Variants in PIGN observed in about 807,000 individuals in gnomAD.
PIGN encodes the protein phosphatidylinositol glycan anchor biosynthesis class N.
Under a neutral mutation model 125.4 loss-of-function variants are expected in PIGN, and 117 were observed. The ratio of observed to expected loss-of-function variants is 0.93; its 90% confidence interval spans 0.80 to 1.09. The LOEUF (loss-of-function observed/expected upper bound fraction) is 1.09. Among genes scored for constraint, PIGN ranks in the 50% least tolerant of loss-of-function variants. The probability of loss-of-function intolerance (pLI) is 0.00; values close to 1 mark genes in which losing one functional copy is unlikely to be tolerated. For missense variants in PIGN, 1,075 were observed against 1,094.9 expected, an observed-to-expected ratio of 0.98 and a Z score of 0.26; for synonymous variants, 392 against 377.8, an observed-to-expected ratio of 1.04 and a Z score of -0.44.
At chr18:62,102,992 G>A in intron 20 of PIGN, 90 bp from the exon 21 acceptor site, 1 of 579,024 alleles carries the variant, frequency 1.7e-6, no homozygotes. Context: ...CTCTAATACA[G>A]AACCTCTCAG....
At chr18:62,059,741 A>C (rs998503840) in intron 30 of PIGN, among the ~76,000 whole-genome samples, 1 of 152,216 alleles carries the variant, frequency 6.6e-6, no homozygotes, top group Non-Finnish European at 1.5e-5. Flanking sequence ...AACTCCATAC[A>C]TTTGCCAAAA....
intron 30 of PIGN, among the ~76,000 whole-genome samples, chr18:62,062,290 AG>A (rs1373892749): frequency 2.0e-5 from 3 of 152,198 alleles, no homozygotes; most frequent in African/African-American, 7.2e-5. Flanking sequence ...ATATTTCATC[AG>A]GAATGACTAA....
chr18:62,179,563 G>A (rs1354865622), intron 1 of PIGN, among the ~76,000 whole-genome samples: 1 of 152,112 alleles, frequency 6.6e-6, no homozygotes, highest in Non-Finnish European at 1.5e-5. Flanking sequence ...GGGCAATGTG[G>A]TGAAACCCCA....
At position 62,054,215 on chromosome 18, in the gene PIGN, A is replaced by G. The variant is rs143070102; in HGVS notation, c.2673-8236T>C. 1.6e-3 allele frequency among the ~76,000 whole-genome samples: 241 copies of G among 152,260 alleles called. 1 individual carries two copies. The highest frequency in any genetic ancestry group is 5.4e-3 in the African/African-American group (225 of 41,546). On this transcript the variant is annotated intron_variant, in intron 30 of 30. Transcript: ENST00000640252. ...TGTGAGTCTCACACTATATACAAAA[A>G]TTAACTAAAATGGATCATGGACTTA... is the stretch of plus-strand genomic sequence containing the variant.
rs545477777 is a variant in PIGN at position 62,041,446 on chromosome 18, A to G, written c.*4410T>C. Reference sequence around the variant, plus strand: ...AAATTCAATCAACATACAACACCCTATTTTCAAAACTATGACAAATTAAGG... The same window carrying G: ...AAATTCAATCAACATACAACACCCTGTTTTCAAAACTATGACAAATTAAGG... On this transcript the variant is annotated 3_prime_UTR_variant, in exon 31 of 31. Coordinates refer to ENST00000640252, the MANE Select transcript of PIGN (RefSeq NM_176787.5). 11 of 152,268 alleles carry G rather than the reference A, an allele frequency of 7.2e-5. No homozygotes were observed. The highest frequency in any genetic ancestry group is 2.6e-4 in the African/African-American group (11 of 41,548). 9.4% of individuals were successfully genotyped at this position (152,268 alleles called of 1,614,324 possible).
chr18:62,070,633 A>T, intron 30 of PIGN: 1 of 394,528 alleles, frequency 2.5e-6, no homozygotes, highest in Non-Finnish European at 4.5e-6. Flanking sequence ...GTATACAAAA[A>T]TGTATTCTGT....
chr18:62,129,858 C>T (rs2035668897), intron 14 of PIGN, among the ~76,000 whole-genome samples: 1 of 152,172 alleles, frequency 6.6e-6, no homozygotes, highest in Non-Finnish European at 1.5e-5. Context: ...AAGGTCCTAA[C>T]CCCTGGTATC....
chr18:62,020,989 T>C (rs920572741), intron 23 of PIGN, among the ~76,000 whole-genome samples: 7 of 150,902 alleles, frequency 4.6e-5, no homozygotes, highest in African/African-American at 1.7e-4. Context: ...ATTTAAAGAC[T>C]GAGCATATCA....
chr18:62,121,713 T>G (rs965532482), intron 14 of PIGN, among the ~76,000 whole-genome samples: 3 of 152,170 alleles, frequency 2.0e-5, no homozygotes, highest in African/African-American at 7.2e-5. Flanking sequence ...TCCTTTTTTA[T>G]GAATGAATAA....
chr18:62,157,511 T>C (rs907532950), intron 5 of PIGN, among the ~76,000 whole-genome samples, 176 bp downstream of exon 5: 1 of 152,214 alleles, frequency 6.6e-6, no homozygotes, highest in Admixed American at 6.5e-5. Context: ...AATGAAATAC[T>C]AAAGTTTCAA....
At chr18:62,023,509 C>G (rs567356212) in intron 23 of PIGN, among the ~76,000 whole-genome samples, 1 of 152,324 alleles carries the variant, frequency 6.6e-6, no homozygotes, top group Non-Finnish European at 1.5e-5. Context: ...TCATTTCTGT[C>G]AATAAATTCA....
At position 62,045,151 on chromosome 18, in the gene PIGN, T is replaced by A. The variant is rs920725118; in HGVS notation, c.*705A>T. ...TATTTATTTTAAATGTTTTCCTATG[T>A]ATAAGACAGAAATACCAAGCACTTT... is the stretch of plus-strand genomic sequence containing the variant. On this transcript the variant is annotated 3_prime_UTR_variant, in exon 31 of 31. Transcript: ENST00000640252. 22 of 152,000 alleles carry A rather than the reference T, an allele frequency of 1.4e-4. No individual in the cohort carries two copies. Among genetic ancestry groups the A allele is most frequent in the African/African-American group, 5.1e-4 (21 of 41,444 alleles). 9.4% of individuals were successfully genotyped at this position (152,000 alleles called of 1,614,324 possible).
At chr18:62,063,042 C>T (rs1033996534) in intron 30 of PIGN, among the ~76,000 whole-genome samples, 5 of 151,366 alleles carry the variant, frequency 3.3e-5, no homozygotes, top group Non-Finnish European at 5.9e-5. Flanking sequence ...CAAGCTTGCA[C>T]TAGCTCTTTT....
downstream of PIGN, chr18:62,041,109 T>G (rs2030357263): frequency 6.6e-6 from 1 of 152,192 alleles, no homozygotes; most frequent in African/African-American, 2.4e-5. Flanking sequence ...AACAAAGCAT[T>G]ATAAAAATTT....
intron 22 of PIGN, among the ~76,000 whole-genome samples, chr18:62,100,519 C>T (rs1365440553): frequency 1.3e-5 from 2 of 152,194 alleles, no homozygotes; most frequent in Admixed American, 6.5e-5. Flanking sequence ...GAGCTCAAAA[C>T]TTGCTCTTGT....
intron 17 of PIGN, chr18:62,107,561 C>G (rs2034699107): frequency 6.6e-6 from 1 of 151,990 alleles, no homozygotes; most frequent in Non-Finnish European, 1.5e-5. Flanking sequence ...CCATTGCACT[C>G]CAGCCCGGAC....
At chr18:62,110,552 T>C (rs1380092135) in intron 16 of PIGN, among the ~76,000 whole-genome samples, 1 of 152,122 alleles carries the variant, frequency 6.6e-6, no homozygotes, top group South Asian at 2.1e-4. Flanking sequence ...GGACTTTAAG[T>C]ACAGGAGATT....
intron 9 of PIGN, among the ~76,000 whole-genome samples, 182 bp from the exon 10 acceptor site, chr18:62,146,207 T>C (rs561821454): frequency 2.8e-4 from 42 of 152,234 alleles, no homozygotes; most frequent in African/African-American, 9.4e-4. Flanking sequence ...TAAAGCAAGT[T>C]AGAGAAACAA....
In PIGN at chr18:62,101,084, C is replaced by T. The variant is rs1181385920; in HGVS notation, c.2068G>A (p.Ala690Thr). The T allele has an allele frequency of 6.3e-7, 1 of 1,594,818 alleles. No individual in the cohort carries two copies. The highest frequency in any genetic ancestry group is 1.7e-5 in the Admixed American group (1 of 59,966). ...LPLMNQIISW[A>T]TLASSLVVPL... is the part of the protein sequence containing the mutation. ...TTGAGTGGCCTCTTACCTAATGTTG[C>T]CCAGCTAATAATTTGATTCATGAGA... Residue 690 changes from alanine to threonine, a missense_variant, in exon 22 of 31, where the codon GCA becomes ACA. By Grantham distance (58) the Ala-to-Thr change is moderately conservative. Around this residue, in one of 3 missense-constraint regions of PIGN, gnomAD observed 915 missense variants for 908.7 expected, o/e 1.01. Coordinates refer to ENST00000640252, the MANE Select transcript of PIGN (RefSeq NM_176787.5).
Sources: allele counts gnomAD v4.1 joint callset (sites outside exome capture counted in the v4.1 genomes callset), GRCh38; gene constraint gnomAD v4.1.1; regional missense constraint gnomAD v4.1.1; transcripts MANE v1.5; gene names NCBI Gene and HGNC (gene_info 2026-07-23, HGNC 2026-07-21).